Variants in DAW1 observed in about 807,000 individuals in gnomAD.
The protein encoded by DAW1 is dynein assembly factor with WD repeats 1.
Under a neutral mutation model 56.5 loss-of-function variants are expected in DAW1, and 47 were observed. The observed-to-expected ratio is 0.83, with a 90% CI of 0.66 to 1.06. The LOEUF is 1.06. Ranked by LOEUF, DAW1 falls within the 50% of genes least tolerant of loss-of-function variation. DAW1 has a pLI of 0.00. For synonymous variants in DAW1, 190 were observed against 179.0 expected (o/e 1.06, Z -0.49); for missense variants, 505 against 499.3 (o/e 1.01, Z -0.11).
intron 6 of DAW1, among the ~76,000 whole-genome samples, chr2:227,899,712 G>A (rs1317156400): frequency 1.3e-5 from 2 of 152,218 alleles, no homozygotes; most frequent in African/African-American, 4.8e-5. Flanking sequence ...GGGAGGAAAA[G>A]CAAGCCACAG....
chr2:227,885,514 A>G, intron 2 of DAW1, 91 bp downstream of exon 2: 3 of 934,236 alleles, frequency 3.2e-6, no homozygotes, highest in Non-Finnish European at 4.7e-6. Context: ...ACTGCAGATA[A>G]TACATTATGT....
chr2:227,889,220 C>G (rs1691201466), intron 2 of DAW1, among the ~76,000 whole-genome samples: 1 of 152,138 alleles, frequency 6.6e-6, no homozygotes, highest in African/African-American at 2.4e-5. Context: ...TGTCTTCATT[C>G]ATTTTGTGCT....
At chr2:227,887,731 G>A (rs1691164424) in intron 2 of DAW1, 1 of 152,202 alleles carries the variant, frequency 6.6e-6, no homozygotes, top group Non-Finnish European at 1.5e-5. Flanking sequence ...GTGCTTTCCT[G>A]AGGAGATATA....
At chr2:227,908,851 A>G (rs1691748230) in intron 10 of DAW1, among the ~76,000 whole-genome samples, 1 of 152,196 alleles carries the variant, frequency 6.6e-6, no homozygotes, top group South Asian at 2.1e-4. Flanking sequence ...TGTGAGGCAT[A>G]GAATTTGAAG....
chr2:227,917,087 G>A (rs145483544), intron 10 of DAW1, among the ~76,000 whole-genome samples: 53 of 151,696 alleles, frequency 3.5e-4, no homozygotes, highest in East Asian at 3.1e-3. Flanking sequence ...TGTCTGTGTC[G>A]TCTCCCTCAT....
At chr2:227,885,758 T>C (rs1474531824) in intron 2 of DAW1, among the ~76,000 whole-genome samples, 2 of 152,196 alleles carry the variant, frequency 1.3e-5, no homozygotes, top group Non-Finnish European at 2.9e-5. Context: ...TGTACATTTA[T>C]TAGGATTAAT....
In DAW1 at chr2:227,919,161, A is replaced by C. The variant is rs963096503; in HGVS notation, c.1050+305A>C. The stretch of plus-strand genomic sequence containing the variant: ...CAGTGAGATGTGATTGCACCACTGC[A>C]TTCCAGCCTGGGTGACAGAGCAAGA... On this transcript the variant is annotated intron_variant, in intron 11 of 12. Coordinates refer to ENST00000309931, the MANE Select transcript of DAW1 (RefSeq NM_178821.3). 4.0e-5 allele frequency among the ~76,000 whole-genome samples: 6 copies of C among 150,034 alleles called. No homozygotes were observed. The South Asian group carries it at 1.3e-3, about 32-fold the overall frequency.
intron 2 of DAW1, among the ~76,000 whole-genome samples, chr2:227,885,702 G>A (rs1574651257): frequency 6.6e-6 from 1 of 152,128 alleles, no homozygotes; most frequent in Non-Finnish European, 1.5e-5. Context: ...TGAAGGTAGA[G>A]TTTCCACACC....
intron 1 of DAW1, among the ~76,000 whole-genome samples, chr2:227,884,689 C>T (rs887227928): frequency 6.6e-6 from 1 of 152,142 alleles, no homozygotes; most frequent in Non-Finnish European, 1.5e-5. Flanking sequence ...ATGCTGCTGG[C>T]TGGAAGGCAG....
chr2:227,881,731 C>T (rs930627143), intron 1 of DAW1, among the ~76,000 whole-genome samples: 2 of 142,248 alleles, frequency 1.4e-5, no homozygotes, highest in Non-Finnish European at 3.0e-5. Context: ...CACTTTTTAA[C>T]TCTGCCACAT....
intron 5 of DAW1, among the ~76,000 whole-genome samples, chr2:227,896,504 A>G (rs567924933): frequency 6.6e-6 from 1 of 152,038 alleles, no homozygotes; most frequent in South Asian, 2.1e-4. Flanking sequence ...TGATTTATGT[A>G]TGCGTGAATG....
Position 227,871,673 on chromosome 2 carries a change from G to T in DAW1, c.-17G>T. 1 of 1,613,038 alleles carries T rather than the reference G, an allele frequency of 6.2e-7. No individual in the cohort carries two copies. The highest frequency in any genetic ancestry group is 8.5e-7 in the Non-Finnish European group (1 of 1,179,530). Reference sequence around the variant, plus strand: ...AAGGCTACGAAGCCCATCGGCCGGGGATAAGAGAGCAAGAAAATGAAGCTC... The same window carrying T: ...AAGGCTACGAAGCCCATCGGCCGGGTATAAGAGAGCAAGAAAATGAAGCTC... On this transcript the variant is annotated 5_prime_UTR_variant, in exon 1 of 13. Coordinates refer to ENST00000309931, the MANE Select transcript of DAW1 (RefSeq NM_178821.3).
At chr2:227,900,664 A>C (rs1470014619) in intron 6 of DAW1, among the ~76,000 whole-genome samples, 1 of 152,174 alleles carries the variant, frequency 6.6e-6, no homozygotes, top group Non-Finnish European at 1.5e-5. Flanking sequence ...GGCATGCAAC[A>C]GTGATGTGTG....
At chr2:227,877,124 A>T (rs115363794) in intron 1 of DAW1, among the ~76,000 whole-genome samples, 2 of 152,322 alleles carry the variant, frequency 1.3e-5, no homozygotes, top group Non-Finnish European at 2.9e-5. Flanking sequence ...GATTATTAAG[A>T]TACTGTGGGA....
rs1045989702 is a variant in DAW1, at chr2:227,924,276, A to G, written c.*308A>G. The G allele has an allele frequency of 2.8e-6, 1 of 352,804 alleles. No homozygotes were observed. The highest frequency in any genetic ancestry group is 4.1e-5 in the Admixed American group (1 of 24,278). The allele number at this position is 352,804 out of a possible 1,614,324, so 21.9% of individuals were successfully genotyped here. A position where few individuals can be genotyped will look rare whatever the true frequency, so the allele number is the denominator to read the frequency against. On this transcript the variant is annotated 3_prime_UTR_variant, in exon 13 of 13. Coordinates refer to ENST00000309931, the MANE Select transcript of DAW1 (RefSeq NM_178821.3). ...AAAAGGAGACCAGAACAACTTAACA[A>G]CGTGTCTCCTGGATTTTACTTTGAA...
chr2:227,888,801 A>T (rs1488016849), intron 2 of DAW1, among the ~76,000 whole-genome samples: 2 of 152,150 alleles, frequency 1.3e-5, no homozygotes, highest in African/African-American at 2.4e-5. Context: ...AACGAATATT[A>T]TTCTGTGCCA....
rs761428238 is a variant in DAW1, at chr2:227,902,986, A to G, written c.541-16A>G. ...ACTCTGTCTTCCTAAAATTTCTCCC[A>G]TTTTATGTAATTTAGGTGTGTTTAT... On this transcript the variant is annotated splice_polypyrimidine_tract_variant and intron_variant, in intron 6 of 12. Transcript: ENST00000309931. 1.9e-6 allele frequency: 3 copies of G among 1,612,096 alleles called. No individual in the cohort carries two copies. Among genetic ancestry groups the G allele is most frequent in the African/African-American group, 2.7e-5 (2 of 74,860 alleles).
Position 227,898,183 on chromosome 2 carries a change from G to C in DAW1, c.442G>C (p.Asp148His). ...YAIAFNNPYG[D>H]KIATGSFDKT... Reference sequence around the variant, plus strand: ...ATCTACATTTCTTTTAAATCTTAGTGACAAAATCGCCACTGGGTCCTTTGA... The same window carrying C: ...ATCTACATTTCTTTTAAATCTTAGTCACAAAATCGCCACTGGGTCCTTTGA... The change falls in exon 6 of 13, where the codon GAC (aspartate) becomes CAC (histidine). Residue 148 changes from aspartate (D) to histidine (H), a missense_variant and splice_region_variant. Coordinates refer to ENST00000309931, the MANE Select transcript of DAW1 (RefSeq NM_178821.3). 6.4e-7 allele frequency: 1 copy of C among 1,560,802 alleles called. No homozygotes were observed.
At chr2:227,918,167 TCCATCATCCATC>T (rs1241027425) in intron 10 of DAW1, among the ~76,000 whole-genome samples, 2 of 99,646 alleles carry the variant, frequency 2.0e-5, no homozygotes, top group Non-Finnish European at 4.5e-5. Flanking sequence ...CATCCATCCA[TCCATCATCCATC>T]CATCCATCCA....
Sources: allele counts gnomAD v4.1 joint callset (sites outside exome capture counted in the v4.1 genomes callset), GRCh38; gene constraint gnomAD v4.1.1; transcripts MANE v1.5; gene names NCBI Gene and HGNC (gene_info 2026-07-23, HGNC 2026-07-21).